The following DOCK4 variants were observed in gnomAD, a reference collection of about 807,000 sequenced individuals.
DOCK4 encodes dedicator of cytokinesis 4.
In DOCK4, 97 loss-of-function variants were observed where a neutral mutation model predicts 268.1. The ratio of observed to expected loss-of-function variants is 0.36; its 90% CI spans 0.31 to 0.43. The LOEUF is 0.43. DOCK4 is among the 20% of genes least tolerant of loss of function. DOCK4 has a pLI of 1.00. For missense variants in DOCK4, 2,145 were observed against 2,455.7 expected (o/e 0.87, Z 2.67); for synonymous variants, 954 against 887.2 (o/e 1.08, Z -1.34).
At chr7:112,001,339 C>T (rs1238122488) in intron 2 of DOCK4, among the ~76,000 whole-genome samples, 4 of 152,076 alleles carry the variant, frequency 2.6e-5, no homozygotes, top group Admixed American at 2.0e-4. Flanking sequence ...GATGAAATCC[C>T]GTGCCTGCCC....
chr7:111,869,461 A>T, intron 21 of DOCK4, 113 bp downstream of exon 21: 1 of 893,900 alleles, frequency 1.1e-6, no homozygotes, highest in Non-Finnish European at 1.8e-6. Flanking sequence ...TTGAATTGGA[A>T]TGTCAGTAAT....
intron 1 of DOCK4, among the ~76,000 whole-genome samples, chr7:112,018,415 C>T (rs1163433514): frequency 2.6e-5 from 4 of 151,976 alleles, no homozygotes; most frequent in African/African-American, 9.7e-5. Context: ...TGAACATTAC[C>T]AACTCAGCAC....
chr7:111,759,272 C>A (rs1279460430), intron 40 of DOCK4, among the ~76,000 whole-genome samples: 1 of 152,166 alleles, frequency 6.6e-6, no homozygotes, highest in Admixed American at 6.5e-5. Flanking sequence ...CGATGACTTA[C>A]ATTTATCTGT....
chr7:112,041,865 T>C (rs546534170), intron 1 of DOCK4, among the ~76,000 whole-genome samples: 1 of 152,318 alleles, frequency 6.6e-6, no homozygotes, highest in East Asian at 1.9e-4. Context: ...CTGCCCCTTT[T>C]GCATCAGATA....
chr7:112,005,691 G>T (rs1440612173), intron 1 of DOCK4, among the ~76,000 whole-genome samples: 1 of 150,828 alleles, frequency 6.6e-6, no homozygotes, highest in Non-Finnish European at 1.5e-5. Flanking sequence ...TCCAAACTCT[G>T]CACTACTGAT....
At chr7:111,988,644 T>C (rs892846404) in intron 6 of DOCK4, among the ~76,000 whole-genome samples, 2 of 152,160 alleles carry the variant, frequency 1.3e-5, no homozygotes, top group African/African-American at 4.8e-5. Flanking sequence ...CCTATTACCA[T>C]GACATGGAAA....
In DOCK4 at chr7:111,732,276, T is replaced by C; in HGVS notation, c.5431A>G (p.Arg1811Gly). Residue 1811 changes from arginine (R) to glycine (G), a missense_variant, in exon 52 of 53, where the codon AGA (arginine) becomes GGA (glycine). Coordinates refer to ENST00000428084, the MANE Select transcript of DOCK4 (RefSeq NM_001363540.2). ...GAGGGGGATACTGATGTCGTGTGTC[T>C]TGCTGGTGAAGCTGTCAATGGGGAG... Reference protein sequence around the residue: ...PRPTQTASPARHTTSVSPSPA... With the variant: ...PRPTQTASPAGHTTSVSPSPA... 1 of 1,614,020 alleles carries C rather than the reference T, an allele frequency of 6.2e-7. No homozygotes were observed. Among genetic ancestry groups the C allele is most frequent in the Non-Finnish European group, 8.5e-7 (1 of 1,179,892 alleles).
At chr7:111,973,176 TATA>T (rs1797870010) in intron 8 of DOCK4, among the ~76,000 whole-genome samples, 1 of 145,454 alleles carries the variant, frequency 6.9e-6, no homozygotes. Flanking sequence ...TATATATATA[TATA>T]TATATATAAT....
intron 1 of DOCK4, among the ~76,000 whole-genome samples, chr7:112,077,538 GA>G (rs1439657162): frequency 2.0e-5 from 3 of 152,090 alleles, no homozygotes; most frequent in Non-Finnish European, 2.9e-5. Flanking sequence ...TACGTATTTA[GA>G]AAAAGTCACT....
intron 1 of DOCK4, among the ~76,000 whole-genome samples, chr7:112,074,539 G>T (rs1807887414): frequency 6.6e-6 from 1 of 152,072 alleles, no homozygotes. Flanking sequence ...TCTGCCATGG[G>T]GATACTAGTG....
intron 23 of DOCK4, among the ~76,000 whole-genome samples, chr7:111,858,791 C>T (rs1563601474): frequency 6.6e-6 from 1 of 151,936 alleles, no homozygotes; most frequent in Non-Finnish European, 1.5e-5. Flanking sequence ...TCCTTCCCTT[C>T]CTTTCCTTCC....
intron 1 of DOCK4, among the ~76,000 whole-genome samples, chr7:112,060,265 G>C (rs1178875532): frequency 6.6e-6 from 1 of 152,106 alleles, no homozygotes; most frequent in Non-Finnish European, 1.5e-5. Context: ...ACTACAATGA[G>C]ACTCCACCTC....
intron 1 of DOCK4, among the ~76,000 whole-genome samples, chr7:112,089,558 C>A (rs1809432549): frequency 6.6e-6 from 1 of 152,118 alleles, no homozygotes; most frequent in Non-Finnish European, 1.5e-5. Context: ...TACTAAATTA[C>A]GGTTTGGTGT....
chr7:112,006,697 G>A (rs1800893296), intron 1 of DOCK4, among the ~76,000 whole-genome samples: 1 of 152,184 alleles, frequency 6.6e-6, no homozygotes, highest in Non-Finnish European at 1.5e-5. Context: ...AGGACTTTCA[G>A]CTCAGCAGTG....
At chr7:112,050,826 T>G (rs1805285845) in intron 1 of DOCK4, among the ~76,000 whole-genome samples, 1 of 152,182 alleles carries the variant, frequency 6.6e-6, no homozygotes. Flanking sequence ...CAAGACAAAT[T>G]GAAATTGCCA....
intron 25 of DOCK4, among the ~76,000 whole-genome samples, chr7:111,836,976 G>A (rs1803289178): frequency 6.6e-6 from 1 of 151,802 alleles, no homozygotes; most frequent in Admixed American, 6.6e-5. Context: ...GAAGAAATGA[G>A]AAAAAAACTT....
chr7:111,962,045 T>C (rs1796942551), intron 8 of DOCK4, among the ~76,000 whole-genome samples: 1 of 152,012 alleles, frequency 6.6e-6, no homozygotes, highest in South Asian at 2.1e-4. Context: ...TTTGTCATAT[T>C]TTCTTCACAT....
rs140640745 is a variant in DOCK4 at position 112,080,145 on chromosome 7, A to G, written c.38-76014T>C. 1.3e-4 allele frequency among the ~76,000 whole-genome samples: 20 copies of G among 152,262 alleles called. No homozygotes were observed. In the East Asian group the frequency reaches 3.5e-3, roughly 26 times the overall value. ...GTATTCTAATTTACCTATCAGGTAA[A>G]TATGGATTATTAGATTTTCTTAAAA... On this transcript the variant is annotated intron_variant, in intron 1 of 52. Transcript: ENST00000428084.
intron 42 of DOCK4, among the ~76,000 whole-genome samples, chr7:111,750,784 T>C (rs983207801): frequency 2.0e-5 from 3 of 152,142 alleles, no homozygotes; most frequent in African/African-American, 7.2e-5. Context: ...TCAGGAGCCA[T>C]TTTGAAGATG....
Sources: allele counts gnomAD v4.1 joint callset (sites outside exome capture counted in the v4.1 genomes callset), GRCh38; gene constraint gnomAD v4.1.1; transcripts MANE v1.5; gene names NCBI Gene and HGNC (gene_info 2026-07-23, HGNC 2026-07-21).